GRM8: variants seen among roughly 807,000 people sequenced by gnomAD.
GRM8 encodes the protein glutamate metabotropic receptor 8.
GRM8 carries 47 observed loss-of-function variants against 87.2 expected under a neutral mutation model. That is an observed-to-expected ratio of 0.54 (90% confidence interval 0.43 to 0.69). GRM8 has a LOEUF of 0.69. Ranked by LOEUF, GRM8 falls within the 30% of genes least tolerant of loss-of-function variation. GRM8 has a pLI of 0.00. For synonymous variants in GRM8, 396 were observed against 404.5 expected, an observed-to-expected ratio of 0.98 and a Z score of 0.25; for missense variants, 1,019 against 1,139.2, an observed-to-expected ratio of 0.89 and a Z score of 1.52.
intron 1 of GRM8, among the ~76,000 whole-genome samples, chr7:127,246,638 A>C (rs545096783): frequency 7.9e-5 from 12 of 152,194 alleles, no homozygotes; most frequent in Non-Finnish European, 1.5e-4. Flanking sequence ...TGGGCCCTCC[A>C]TGGGCAGTCC....
intron 6 of GRM8, among the ~76,000 whole-genome samples, chr7:126,788,420 A>AAAAAAAAAAAAAAAAAAAAACAAAAAAC: frequency 8.8e-4 from 71 of 81,130 alleles, no homozygotes; most frequent in African/African-American, 2.6e-3. Context: ...AAAAAAAAAA[A>AAAAAAAAAAAAAAAAAAAAACAAAAAAC]AAACCCTTTC....
chr7:126,805,560 A>C (rs1792589947), intron 6 of GRM8, among the ~76,000 whole-genome samples: 1 of 152,100 alleles, frequency 6.6e-6, no homozygotes, highest in South Asian at 2.1e-4. Flanking sequence ...CCTAGGTTTC[A>C]ATCAGGTGCA....
At chr7:127,100,684 A>G (rs1825153644) in intron 3 of GRM8, among the ~76,000 whole-genome samples, 1 of 152,150 alleles carries the variant, frequency 6.6e-6, no homozygotes, top group Admixed American at 6.5e-5. Flanking sequence ...TTATTAAACC[A>G]TCAGACCTCA....
intron 6 of GRM8, among the ~76,000 whole-genome samples, chr7:126,870,836 T>C (rs918841081): frequency 6.6e-6 from 1 of 152,224 alleles, no homozygotes; most frequent in African/African-American, 2.4e-5. Context: ...TTGGCACTGA[T>C]AGACTTGCTT....
At chr7:127,022,468 C>T (rs993586744) in intron 3 of GRM8, among the ~76,000 whole-genome samples, 2 of 151,794 alleles carry the variant, frequency 1.3e-5, no homozygotes, top group Non-Finnish European at 2.9e-5. Flanking sequence ...CACCACAGAC[C>T]ACTCATGCAC....
At chr7:127,145,495 T>G (rs1828507916) in intron 2 of GRM8, among the ~76,000 whole-genome samples, 1 of 152,174 alleles carries the variant, frequency 6.6e-6, no homozygotes, top group Non-Finnish European at 1.5e-5. Flanking sequence ...AACAATTTTG[T>G]CAAGCTTAGC....
At chr7:126,860,000 ATATT>A (rs34161563) in intron 6 of GRM8, among the ~76,000 whole-genome samples, 104,086 of 151,528 alleles carry the variant, frequency 0.69, 36,606 homozygotes, top group African/African-American at 0.85. Context: ...TTTAATTCTC[ATATT>A]TATTTATTTA....
intron 8 of GRM8, among the ~76,000 whole-genome samples, chr7:126,543,814 CA>C (rs1816816075): frequency 6.6e-6 from 1 of 152,152 alleles, no homozygotes; most frequent in African/African-American, 2.4e-5. Context: ...GAAGCACACT[CA>C]GGAAGACCAG....
chr7:126,910,751 GA>G, intron 3 of GRM8, among the ~76,000 whole-genome samples: 1 of 152,270 alleles, frequency 6.6e-6, no homozygotes, highest in East Asian at 1.9e-4. Flanking sequence ...TGCCATTTCA[GA>G]ATTTTTACCC....
intron 7 of GRM8, among the ~76,000 whole-genome samples, chr7:126,664,904 A>G (rs148825768): frequency 3.7e-4 from 56 of 152,320 alleles, no homozygotes; most frequent in African/African-American, 1.2e-3. Flanking sequence ...TAAGGAACTT[A>G]AACAATTCAG....
At chr7:126,509,871 A>G (rs998634310) in intron 9 of GRM8, among the ~76,000 whole-genome samples, 5 of 152,106 alleles carry the variant, frequency 3.3e-5, no homozygotes, top group Non-Finnish European at 5.9e-5. Flanking sequence ...AATTGTGATG[A>G]TAACAGGTGA....
intron 7 of GRM8, among the ~76,000 whole-genome samples, chr7:126,693,812 A>G (rs1476125296): frequency 6.6e-6 from 1 of 152,062 alleles, no homozygotes; most frequent in East Asian, 1.9e-4. Flanking sequence ...TCAATCCAAA[A>G]TATTTCTTCT....
At chr7:127,031,580 C>A (rs1466111052) in intron 3 of GRM8, among the ~76,000 whole-genome samples, 1 of 152,042 alleles carries the variant, frequency 6.6e-6, no homozygotes, top group East Asian at 1.9e-4. Flanking sequence ...TTAAGAAATA[C>A]TCTGTTGAAA....
intron 3 of GRM8, among the ~76,000 whole-genome samples, chr7:126,975,145 T>C (rs1290720880): frequency 6.6e-6 from 1 of 152,008 alleles, no homozygotes; most frequent in African/African-American, 2.4e-5. Flanking sequence ...CCTCTTGGTG[T>C]AAGAGCACCC....
chr7:127,219,983 G>A lies in GRM8; in HGVS notation c.510+22712C>T, dbSNP rs17866043. 9.8e-5 allele frequency among the ~76,000 whole-genome samples: 15 copies of A among 152,290 alleles called. No individual in the cohort carries two copies. In the East Asian group the frequency reaches 1.9e-3, roughly 20 times the overall value. On this transcript the variant is annotated intron_variant, in intron 2 of 10. Transcript: ENST00000339582. ...CACTCCTTGGTAAGACTTTCCTTTT[G>A]CTGCACCAAACTGGAATCTTCCTAC... is the stretch of plus-strand genomic sequence containing the variant.
At chr7:126,675,110 A>G (rs1315997366) in intron 7 of GRM8, among the ~76,000 whole-genome samples, 1 of 152,254 alleles carries the variant, frequency 6.6e-6, no homozygotes, top group Non-Finnish European at 1.5e-5. Flanking sequence ...ATAGATCAAG[A>G]TATCAGTAGT....
chr7:126,949,937 T>C (rs1051506161), intron 3 of GRM8, among the ~76,000 whole-genome samples: 1 of 152,196 alleles, frequency 6.6e-6, no homozygotes, highest in African/African-American at 2.4e-5. Flanking sequence ...AGAGGAAGCC[T>C]GTAGGCTTCT....
At chr7:126,552,582 G>T (rs944224353) in intron 8 of GRM8, among the ~76,000 whole-genome samples, 1 of 152,012 alleles carries the variant, frequency 6.6e-6, no homozygotes, top group African/African-American at 2.4e-5. Flanking sequence ...AACTTTCCAG[G>T]ATTGAATATC....
chr7:127,233,367 T>C (rs1797807950), intron 2 of GRM8, among the ~76,000 whole-genome samples: 1 of 152,056 alleles, frequency 6.6e-6, no homozygotes, highest in Non-Finnish European at 1.5e-5. Context: ...AAACATAATA[T>C]CTATAAGTCG....
Sources: gnomAD v4.1 joint callset for allele counts (sites outside exome capture counted in the v4.1 genomes callset) on GRCh38, gnomAD v4.1.1 for gene constraint, MANE v1.5 for transcripts, NCBI Gene and HGNC (gene_info 2026-07-23, HGNC 2026-07-21) for gene names.